Variants in C1orf54 observed in about 807,000 individuals in gnomAD.
The protein encoded by C1orf54 is uncharacterized protein C1orf54.
In C1orf54, 12 loss-of-function variants were observed where a neutral mutation model predicts 14.7. That is an observed-to-expected ratio of 0.82 (90% confidence interval 0.52 to 1.32). The LOEUF is 1.32. Ranked by LOEUF, C1orf54 falls within the 40% of genes most tolerant of loss-of-function variation. C1orf54 has a pLI of 0.00. For synonymous variants in C1orf54, 65 were observed against 56.3 expected, an observed-to-expected ratio of 1.16 and a Z score of -0.70; for missense variants, 163 against 162.2, an observed-to-expected ratio of 1.00 and a Z score of -0.03.
intron 5 of C1orf54, among the ~76,000 whole-genome samples, 193 bp downstream of exon 5, chr1:150,279,934 G>A (rs982402677): frequency 1.3e-5 from 2 of 152,118 alleles, no homozygotes; most frequent in African/African-American, 2.4e-5. Flanking sequence ...TGGGAGGATC[G>A]CTTGAGCCCA....
chr1:150,269,433 G>A (rs1553850826), upstream of C1orf54: 1 of 153,088 alleles, frequency 6.5e-6, no homozygotes, highest in Non-Finnish European at 1.5e-5. Context: ...TGCTGCCTAA[G>A]AGATGAAGAT....
At chr1:150,273,246 A>G (rs1283427775) in intron 1 of C1orf54, among the ~76,000 whole-genome samples, 2 of 152,136 alleles carry the variant, frequency 1.3e-5, no homozygotes, top group Non-Finnish European at 2.9e-5. Context: ...AGAATTGGAG[A>G]AAAAAACCTG....
chr1:150,276,487 AT>A, intron 3 of C1orf54, 34 bp from the exon 4 acceptor site: 2 of 1,541,140 alleles, frequency 1.3e-6, no homozygotes, highest in Non-Finnish European at 1.8e-6. Context: ...GGAAAAACTG[AT>A]AACTCTGTGT....
chr1:150,272,451 A>ATGAGGCCTTGGAGG, upstream of C1orf54: 1 of 207,576 alleles, frequency 4.8e-6, no homozygotes, highest in African/African-American at 2.3e-5. Flanking sequence ...TGAACTTTTT[A>ATGAGGCCTTGGAGG]TGAGGCCTTG....
At chr1:150,274,975 T>C (rs1293422844) in intron 2 of C1orf54, among the ~76,000 whole-genome samples, 3 of 151,680 alleles carry the variant, frequency 2.0e-5, no homozygotes, top group East Asian at 1.9e-4. Flanking sequence ...GATGGGAGGA[T>C]TGCTTGAGCC....
upstream of C1orf54, chr1:150,268,799 C>T (rs376233738): frequency 1.4e-5 from 23 of 1,613,158 alleles, no homozygotes; most frequent in Middle Eastern, 4.9e-4. Flanking sequence ...CGAAAAACAC[C>T]GCAGCCCCCA....
chr1:150,270,204 C>A (rs587704664), upstream of C1orf54, among the ~76,000 whole-genome samples: 13 of 107,414 alleles, frequency 1.2e-4, no homozygotes, highest in Admixed American at 6.2e-4. Flanking sequence ...CCAAAAAAAA[C>A]CCCACAGAAA....
At chr1:150,274,410 C>G (rs1408470814) in intron 2 of C1orf54, among the ~76,000 whole-genome samples, 1 of 151,210 alleles carries the variant, frequency 6.6e-6, no homozygotes, top group Non-Finnish European at 1.5e-5. Context: ...ACCATCCTGG[C>G]TAACACAGTG....
intron 4 of C1orf54, among the ~76,000 whole-genome samples, chr1:150,279,139 C>T (rs1430592311): frequency 1.3e-5 from 2 of 152,134 alleles, no homozygotes; most frequent in African/African-American, 2.4e-5. Flanking sequence ...GGCATGGTGG[C>T]GGGTGCCTGT....
At chr1:150,272,729 C>A, upstream of C1orf54, 1 of 1,378,418 alleles carries the variant, frequency 7.3e-7, no homozygotes, top group Non-Finnish European at 1.0e-6. Flanking sequence ...TCCTTCCCTG[C>A]TTTGGAGGAG....
At chr1:150,280,600 T>C (rs917437479) in intron 5 of C1orf54, among the ~76,000 whole-genome samples, 5 of 152,140 alleles carry the variant, frequency 3.3e-5, no homozygotes, top group Admixed American at 3.3e-4. Context: ...GAAAGCCGTA[T>C]TATAGGAAAA....
intron 4 of C1orf54, among the ~76,000 whole-genome samples, chr1:150,279,138 G>T (rs1652900993): frequency 6.6e-6 from 1 of 152,186 alleles, no homozygotes; most frequent in African/African-American, 2.4e-5. Context: ...AGGCATGGTG[G>T]CGGGTGCCTG....
At chr1:150,276,971 T>TA (rs1355284985) in intron 4 of C1orf54, among the ~76,000 whole-genome samples, 2 of 152,180 alleles carry the variant, frequency 1.3e-5, no homozygotes, top group Admixed American at 1.3e-4. Context: ...ACGAAACACT[T>TA]AGAACAAAAT....
At chr1:150,268,816 G>C, upstream of C1orf54, 1 of 1,610,600 alleles carries the variant, frequency 6.2e-7, no homozygotes, top group Non-Finnish European at 8.5e-7. Context: ...CCCATGGCTG[G>C]TCAGGTGGGA....
At chr1:150,277,258 G>T (rs1277966150) in intron 4 of C1orf54, among the ~76,000 whole-genome samples, 3 of 152,138 alleles carry the variant, frequency 2.0e-5, no homozygotes, top group African/African-American at 7.2e-5. Flanking sequence ...AGCACTTTGG[G>T]GAGGCCAAGG....
At chr1:150,276,474 G>A in intron 3 of C1orf54, 48 bp from the exon 4 acceptor site, 1 of 1,461,510 alleles carries the variant, frequency 6.8e-7, no homozygotes, top group Non-Finnish European at 9.6e-7. Context: ...GAAGATGTTG[G>A]ATGGAAAAAC....
intron 4 of C1orf54, among the ~76,000 whole-genome samples, chr1:150,277,560 A>C (rs2101878173): frequency 6.6e-6 from 1 of 151,472 alleles, no homozygotes; most frequent in African/African-American, 2.4e-5. Context: ...GGGGGAATAG[A>C]ACAAGCATAA....
At chr1:150,277,273 C>T (rs1652731317) in intron 4 of C1orf54, among the ~76,000 whole-genome samples, 1 of 151,812 alleles carries the variant, frequency 6.6e-6, no homozygotes, top group African/African-American at 2.4e-5. Flanking sequence ...CCAAGGTGGT[C>T]GGATCACTTG....
Position 150,275,808 on chromosome 1 carries a change from A to T in C1orf54, c.189+9A>T, listed in dbSNP as rs1331338143. 11 of 1,603,276 alleles carry T rather than the reference A, an allele frequency of 6.9e-6. No individual in the cohort carries two copies. The African/African-American group carries it at 1.2e-4, about 18-fold the overall frequency. On this transcript the variant is annotated intron_variant, in intron 3 of 5. Coordinates refer to ENST00000369099, the MANE Select transcript of C1orf54 (RefSeq NM_024579.4). ...AGTCAGAGGACAGGCTGGTGAGTGA[A>T]CTCTACATCTAAAAGGGTTAGGATA...
Sources: allele counts gnomAD v4.1 joint callset (sites outside exome capture counted in the v4.1 genomes callset), GRCh38; gene constraint gnomAD v4.1.1; transcripts MANE v1.5; gene names NCBI Gene and HGNC (gene_info 2026-07-23, HGNC 2026-07-21).